Variants in DNAH9 observed in about 807,000 individuals in gnomAD.
DNAH9 encodes the protein dynein axonemal heavy chain 9, also known as DNAH9 variant protein.
DNAH9 carries 345 observed loss-of-function variants against 471.6 expected under a neutral mutation model. The observed-to-expected ratio is 0.73, with a 90% confidence interval of 0.67 to 0.80. The LOEUF is 0.80. DNAH9 is among the 30% of genes least tolerant of loss of function. The probability of loss-of-function intolerance (pLI) is 0.00; values close to 1 mark genes in which losing one functional copy is unlikely to be tolerated. For missense variants in DNAH9, 5,407 were observed against 5,609.2 expected, an observed-to-expected ratio of 0.96 and a Z score of 1.15; for synonymous variants, 2,093 against 2,123.6, an observed-to-expected ratio of 0.99 and a Z score of 0.40.
intron 49 of DNAH9, among the ~76,000 whole-genome samples, chr17:11,850,414 C>T (rs530037204): frequency 3.3e-5 from 5 of 152,192 alleles, no homozygotes; most frequent in South Asian, 2.1e-4. Context: ...TTTGGAAGGC[C>T]GAGGCAGGTG....
At chr17:11,646,711 C>T (rs985161341) in intron 11 of DNAH9, among the ~76,000 whole-genome samples, 2 of 152,024 alleles carry the variant, frequency 1.3e-5, no homozygotes, top group Non-Finnish European at 2.9e-5. Flanking sequence ...GTCGGGAGCT[C>T]GAGACCAGCC....
chr17:11,816,603 C>T (rs1429580464), intron 45 of DNAH9, among the ~76,000 whole-genome samples: 2 of 152,124 alleles, frequency 1.3e-5, no homozygotes, highest in Admixed American at 1.3e-4. Context: ...GGTCAAAGTC[C>T]TCACACCAGT....
chr17:11,750,048 T>C (rs916446277), intron 32 of DNAH9, among the ~76,000 whole-genome samples: 5 of 152,190 alleles, frequency 3.3e-5, no homozygotes, highest in African/African-American at 1.2e-4. Context: ...GATTTATACA[T>C]TAAATTTGGG....
rs544882246 is a variant in DNAH9 at position 11,872,906 on chromosome 17, C to G, written c.10242+1120C>G. On this transcript the variant is annotated intron_variant, in intron 52 of 68. Transcript: ENST00000262442. ...CTGCACTCCAGCCTGGGCGACAGAG[C>G]GAGACTCCGTCTCAAAAAACAAACA... Among the ~76,000 whole-genome samples, 107 of 152,266 alleles carry G rather than the reference C, an allele frequency of 7.0e-4. 1 individual carries two copies. In the South Asian group the frequency reaches 0.01, roughly 14 times the overall value.
rs79862573 is a variant in DNAH9 at position 11,783,691 on chromosome 17, G to A, written c.7764G>A (p.Gln2588=). 7.4e-6 allele frequency: 12 copies of A among 1,614,108 alleles called. No homozygotes were observed. The East Asian group carries it at 2.0e-4, about 27-fold the overall frequency. Residue 2588 remains glutamine, a synonymous_variant, in exon 40 of 69, where the codon CAG becomes CAA. Coordinates refer to ENST00000262442, the MANE Select transcript of DNAH9 (RefSeq NM_001372.4). ...KLSLKEITNV[Q]YVSCMNPTAG... ...CCCTAAAGGAGATCACAAATGTACA[G>A]TATGTTTCCTGTATGAACCCCACGG...
At chr17:11,819,001 A>C (rs569048134) in intron 45 of DNAH9, among the ~76,000 whole-genome samples, 2 of 151,868 alleles carry the variant, frequency 1.3e-5, no homozygotes, top group South Asian at 2.1e-4. Context: ...CCTACTTCCT[A>C]ATTCAGAATT....
At chr17:11,718,361 T>TGCTTATCCATTCAC (rs1294023065) in intron 26 of DNAH9, among the ~76,000 whole-genome samples, 5 of 152,278 alleles carry the variant, frequency 3.3e-5, no homozygotes, top group Admixed American at 3.3e-4. Context: ...TTCTAGCTTT[T>TGCTTATCCATTCAC]TGCTGTTATG....
intron 19 of DNAH9, among the ~76,000 whole-genome samples, chr17:11,685,677 T>A (rs1309464820): frequency 6.6e-6 from 1 of 151,562 alleles, no homozygotes; most frequent in Non-Finnish European, 1.5e-5. Context: ...AGAAGGAGAG[T>A]GTAAGGGGAT....
chr17:11,646,533 G>C (rs527769225), intron 11 of DNAH9, among the ~76,000 whole-genome samples: 2 of 152,270 alleles, frequency 1.3e-5, no homozygotes, highest in East Asian at 3.9e-4. Flanking sequence ...AACATTTACT[G>C]AGACTAATCA....
In DNAH9 at chr17:11,654,822, G is replaced by C. The variant is rs143671480; in HGVS notation, c.2595+1820G>C. Among the ~76,000 whole-genome samples the C allele has an allele frequency of 1.9e-3, 288 of 152,182 alleles. 2 individuals are homozygous for C. The highest frequency in any genetic ancestry group is 0.017 in the Admixed American group (253 of 15,278). ...TTATTGATAAGAAAACGAAGGCACA[G>C]ACAGGCTAAATTAATTGTCTGTAGC... On this transcript the variant is annotated intron_variant, in intron 14 of 68. Coordinates refer to ENST00000262442, the MANE Select transcript of DNAH9 (RefSeq NM_001372.4).
At chr17:11,890,741 C>A (rs987060953) in intron 57 of DNAH9, among the ~76,000 whole-genome samples, 1 of 152,172 alleles carries the variant, frequency 6.6e-6, no homozygotes, top group Non-Finnish European at 1.5e-5. Context: ...CAGGGTCTCA[C>A]TCTGTTGCCC....
At chr17:11,663,509 C>T (rs960159987) in intron 14 of DNAH9, among the ~76,000 whole-genome samples, 9 of 152,156 alleles carry the variant, frequency 5.9e-5, no homozygotes, top group Admixed American at 5.9e-4. Context: ...ATCCAGTTAC[C>T]CAAACCAATT....
intron 41 of DNAH9, among the ~76,000 whole-genome samples, chr17:11,791,207 T>C (rs1377564039): frequency 6.6e-6 from 1 of 152,200 alleles, no homozygotes; most frequent in African/African-American, 2.4e-5. Context: ...TTTAGGAGTG[T>C]CTTGGATTTC....
At chr17:11,660,173 T>C (rs2073731708) in intron 14 of DNAH9, among the ~76,000 whole-genome samples, 2 of 152,122 alleles carry the variant, frequency 1.3e-5, no homozygotes, top group Admixed American at 6.5e-5. Flanking sequence ...TTTAGCCTGT[T>C]AGGGTATAAA....
At chr17:11,886,123 G>A (rs1972869567) in intron 56 of DNAH9, among the ~76,000 whole-genome samples, 1 of 152,168 alleles carries the variant, frequency 6.6e-6, no homozygotes, top group Non-Finnish European at 1.5e-5. Context: ...AGGAGTTCGA[G>A]ACTAGCCTGG....
rs950092124 is a variant in DNAH9 at position 11,899,086 on chromosome 17, C to T, written c.11407-3633C>T. ...GAAACACAATGCATTATGTAGTACT[C>T]GTTGCCAAAGCCTTTGATGAATGCT... is the stretch of plus-strand genomic sequence containing the variant. On this transcript the variant is annotated intron_variant, in intron 59 of 68. Transcript: ENST00000262442. Among the ~76,000 whole-genome samples, 4 of 151,966 alleles carry T rather than the reference C, an allele frequency of 2.6e-5. No homozygotes were observed. In the South Asian group the frequency reaches 6.2e-4, roughly 24 times the overall value.
At chr17:11,931,417 A>G (rs915454185) in intron 63 of DNAH9, among the ~76,000 whole-genome samples, 1 of 152,190 alleles carries the variant, frequency 6.6e-6, no homozygotes, top group Non-Finnish European at 1.5e-5. Flanking sequence ...GTTTAAGCCT[A>G]AAGTAAGATG....
intron 49 of DNAH9, chr17:11,853,063 A>G (rs560269868): frequency 3.9e-5 from 6 of 151,926 alleles, no homozygotes; most frequent in African/African-American, 1.4e-4. Flanking sequence ...GCAGGCAAGC[A>G]GGGAGCTCCT....
intron 26 of DNAH9, among the ~76,000 whole-genome samples, chr17:11,708,086 C>A (rs140742122): frequency 1.3e-5 from 2 of 149,878 alleles, no homozygotes; most frequent in Non-Finnish European, 3.0e-5. Flanking sequence ...CTCTGTTGAT[C>A]TTAATGTTTC....
Sources: allele counts gnomAD v4.1 joint callset (sites outside exome capture counted in the v4.1 genomes callset), GRCh38; gene constraint gnomAD v4.1.1; transcripts MANE v1.5; gene names NCBI Gene and HGNC (gene_info 2026-07-23, HGNC 2026-07-21).